Variants in MNX1 observed in about 807,000 individuals in gnomAD.
The protein encoded by MNX1 is motor neuron and pancreas homeobox protein 1.
Under a neutral mutation model 17.3 loss-of-function variants are expected in MNX1, and 2 were observed. The ratio of observed to expected loss-of-function variants is 0.12; its 90% CI spans 0.05 to 0.36. The LOEUF is 0.36. Among genes scored for constraint, MNX1 ranks in the 10% least tolerant of loss-of-function variants. The probability of loss-of-function intolerance (pLI) is 1.00; values close to 1 mark genes in which losing one functional copy is unlikely to be tolerated. For synonymous variants in MNX1, 306 were observed against 283.1 expected (o/e 1.08, Z -0.81); for missense variants, 556 against 564.7 (o/e 0.98, Z 0.16).
In MNX1 at chr7:157,009,949, A is replaced by AGCGGCGGCC; in HGVS notation, c.401_402insGGCCGCCGC (p.Ala132_Ala134dup). The AGCGGCGGCC allele has an allele frequency of 1.1e-6, 1 of 907,746 alleles. No individual in the cohort carries two copies. The highest frequency in any genetic ancestry group is 1.3e-6 in the Non-Finnish European group (1 of 768,334). 56.2% of individuals were successfully genotyped at this position (907,746 alleles called of 1,614,324 possible). Reference sequence around the variant, plus strand: ...GGTGCAGCCCCAGCGCCAGGCCCCCAGCGGCGGCGGCGGCGGCGGCGGCGG... The same window carrying AGCGGCGGCC: ...GGTGCAGCCCCAGCGCCAGGCCCCCAGCGGCGGCCGCGGCGGCGGCGGCGGCGGCGGCGG... On this transcript the variant is annotated inframe_insertion, in exon 1 of 3. Transcript: ENST00000252971.
chr7:157,008,729 G>A (rs556536054), intron 1 of MNX1: 8 of 485,426 alleles, frequency 1.6e-5, no homozygotes, highest in Non-Finnish European at 2.9e-5. Context: ...GGTGTTCGGC[G>A]GCTGAAAGCG....
In MNX1 at chr7:157,006,349, C is replaced by A. The variant is rs1805598037; in HGVS notation, c.852+130G>T. 1.0e-5 allele frequency: 11 copies of A among 1,075,734 alleles called. No individual in the cohort carries two copies. The highest frequency in any genetic ancestry group is 2.6e-5 in the Admixed American group (1 of 38,844). The allele number at this position is 1,075,734 out of a possible 1,614,324, so 66.6% of individuals were successfully genotyped here. On this transcript the variant is annotated intron_variant, in intron 2 of 2. Transcript: ENST00000252971. This position sits in a 1 kb window ranked among gnomAD's most constrained non-coding sequence, Gnocchi z 6.3. Reference sequence around the variant, plus strand: ...CGGCGCTCTGGGCACCTTAGATGAACCCGTGCGCCCGCCGTCTGAACCGTC... The same window carrying A: ...CGGCGCTCTGGGCACCTTAGATGAAACCGTGCGCCCGCCGTCTGAACCGTC...
intron 1 of MNX1, chr7:157,008,789 T>C: frequency 1.7e-6 from 1 of 596,438 alleles, no homozygotes. Context: ...CTGACCCCGA[T>C]GGGGCGAGCG....
chr7:157,006,679 G>T lies in MNX1; in HGVS notation c.692-40C>A. On this transcript the variant is annotated intron_variant, in intron 1 of 2. Transcript: ENST00000252971. This position sits in a 1 kb window ranked among gnomAD's most constrained non-coding sequence, Gnocchi z 6.3. Reference sequence around the variant, plus strand: ...GCAGTGAGGCCCACAGCCGGCTCCGGTCCTCGCCCCAGCCCCTCCCGTTGC... The same window carrying T: ...GCAGTGAGGCCCACAGCCGGCTCCGTTCCTCGCCCCAGCCCCTCCCGTTGC... 6.5e-7 allele frequency: 1 copy of T among 1,535,610 alleles called. No individual in the cohort carries two copies. The highest frequency in any genetic ancestry group is 8.8e-7 in the Non-Finnish European group (1 of 1,141,480).
At position 157,005,585 on chromosome 7, in the gene MNX1, A is replaced by C; in HGVS notation, c.1141T>G (p.Ser381Ala). Residue 381 changes from serine to alanine, a missense_variant, in exon 3 of 3, where the codon TCC becomes GCC. By Grantham distance (99) the Ser-to-Ala change is moderately conservative (BLOSUM62 1). Coordinates refer to ENST00000252971, the MANE Select transcript of MNX1 (RefSeq NM_005515.4). ...GAGTCGTCCTCCGAGGAGCAGTCGG[A>C]GGAGGCGGCGTGGACGCTGGCGCCG... is the stretch of plus-strand genomic sequence containing the variant. ...SNGASVHAAS[S>A]DCSSEDDSPP... 6.3e-7 allele frequency: 1 copy of C among 1,596,530 alleles called. No homozygotes were observed. Among genetic ancestry groups the C allele is most frequent in the Non-Finnish European group, 8.5e-7 (1 of 1,173,772 alleles).
At chr7:157,007,070 C>G (rs945600502) in intron 1 of MNX1, 1 of 153,440 alleles carries the variant, frequency 6.5e-6, no homozygotes, top group African/African-American at 2.4e-5. Context: ...TGCACTGTAC[C>G]CTGGGTGACA....
intron 1 of MNX1, chr7:157,008,159 G>A (rs1474011014): frequency 1.3e-5 from 2 of 152,242 alleles, no homozygotes; most frequent in Non-Finnish European, 2.9e-5. Flanking sequence ...AATTTTCTGA[G>A]TGACCCTGGG....
chr7:157,007,289 G>A (rs1449034351), intron 1 of MNX1, among the ~76,000 whole-genome samples: 1 of 151,086 alleles, frequency 6.6e-6, no homozygotes, highest in Non-Finnish European at 1.5e-5. Context: ...GGAGGAGGAG[G>A]AGAAAAAGAG....
In MNX1 at chr7:157,009,679, A is replaced by T; in HGVS notation, c.672T>A (p.Pro224=). 6.2e-7 allele frequency: 1 copy of T among 1,609,140 alleles called. No individual in the cohort carries two copies. The highest frequency in any genetic ancestry group is 8.5e-7 in the Non-Finnish European group (1 of 1,179,142). ...ACTCACAGTTGAAGTCGGGCATCTT[A>T]GGCAGGATCATGCCCGCGGTGGACG... The part of the protein sequence containing the change: ...LRASTAGMIL[P]KMPDFNSQAQ... Residue 224 remains proline (P), a synonymous_variant, in exon 1 of 3, where the codon CCT becomes CCA. Transcript: ENST00000252971.
chr7:157,009,787 C>T lies in MNX1; in HGVS notation c.564G>A (p.Gln188=). The stretch of plus-strand genomic sequence containing the variant: ...GGTGCGCGGGGTGCGCGCCTTGCAC[C>T]TGCGGGTACGAGTAGGAGAGCGCCG... ...QHPALSYSYP[Q]VQGAHPAHPA... is the part of the protein sequence containing the mutation. The change falls in exon 1 of 3, where the codon CAG becomes CAA. Residue 188 remains glutamine, a synonymous_variant. Coordinates refer to ENST00000252971, the MANE Select transcript of MNX1 (RefSeq NM_005515.4). 1 of 1,581,184 alleles carries T rather than the reference C, an allele frequency of 6.3e-7. No homozygotes were observed. The highest frequency in any genetic ancestry group is 8.6e-7 in the Non-Finnish European group (1 of 1,169,078).
Position 157,005,728 on chromosome 7 carries a change from A to G in MNX1, c.998T>C (p.Leu333Pro), listed in dbSNP as rs776895082. ...GGAEEPGAEE[L>P]LGPPAPGDKG... ...GTCTCCGGGCGCTGGCGGCCCCAGCAGCTCCTCGGCTCCCGGCTCCTCCGC... is the reference window on the plus strand; with the variant it reads ...GTCTCCGGGCGCTGGCGGCCCCAGCGGCTCCTCGGCTCCCGGCTCCTCCGC... Residue 333 changes from leucine to proline, a missense_variant, in exon 3 of 3, where the codon CTG becomes CCG. This residue lies in a region of MNX1 where 178 missense variants were observed against 155.2 expected (regional missense o/e 1.15). Transcript: ENST00000252971. The G allele has an allele frequency of 2.5e-6, 4 of 1,609,648 alleles. No individual in the cohort carries two copies. The South Asian group carries it at 3.3e-5, about 13-fold the overall frequency.
At position 157,010,293 on chromosome 7, in the gene MNX1, C is replaced by T; in HGVS notation, c.58G>A (p.Ala20Thr). The change falls in exon 1 of 3, where the codon GCC (alanine) becomes ACC (threonine). Residue 20 changes from alanine (A) to threonine (T), a missense_variant. Physicochemically the swap from Ala to Thr is moderately conservative, Grantham distance 58. Coordinates refer to ENST00000252971, the MANE Select transcript of MNX1 (RefSeq NM_005515.4). Reference sequence around the variant, plus strand: ...AGCGGCGCGCTCTGCGCAGAGGCGGCTCGTGGGGGGTCCACCGCCAGCAGG... The same window carrying T: ...AGCGGCGCGCTCTGCGCAGAGGCGGTTCGTGGGGGGTCCACCGCCAGCAGG... ...DALLAVDPPR[A>T]ASAQSAPLAL... 5 of 1,573,448 alleles carry T rather than the reference C, an allele frequency of 3.2e-6. No individual in the cohort carries two copies. The highest frequency in any genetic ancestry group is 4.9e-5 in the East Asian group (2 of 40,808).
In MNX1 at chr7:157,010,408, G is replaced by T. The variant is rs1805694541; in HGVS notation, c.-58C>A. The stretch of plus-strand genomic sequence containing the variant: ...TGGCGGGCGACGCGGCCGTGTGCGG[G>T]CTCGCGGAGTCAGTGCGTGCGGTGC... On this transcript the variant is annotated 5_prime_UTR_variant, in exon 1 of 3. Coordinates refer to ENST00000252971, the MANE Select transcript of MNX1 (RefSeq NM_005515.4). 2.8e-6 allele frequency: 4 copies of T among 1,443,888 alleles called. No homozygotes were observed. The African/African-American group carries it at 5.8e-5, about 21-fold the overall frequency. The allele number at this position is 1,443,888 out of a possible 1,614,324, so 89.4% of individuals were successfully genotyped here. A position where few individuals can be genotyped will look rare whatever the true frequency, so the allele number is the denominator to read the frequency against.
chr7:157,009,827 A>AGCGCAG lies in MNX1; in HGVS notation c.518_523dup (p.Ala174_Leu175insProAla), dbSNP rs1360933875. The AGCGCAG allele has an allele frequency of 1.3e-6, 2 of 1,519,618 alleles. No homozygotes were observed. The highest frequency in any genetic ancestry group is 1.8e-6 in the Non-Finnish European group (2 of 1,141,646). 94.1% of individuals were successfully genotyped at this position (1,519,618 alleles called of 1,614,324 possible). A position where few individuals can be genotyped will look rare whatever the true frequency, so the allele number is the denominator to read the frequency against. ...GGAGAGCGCCGGGTGCTGGCCCGCCAGCGCAGCCGCCGCCGCCGCCGCGGA... is the reference window on the plus strand; with the variant it reads ...GGAGAGCGCCGGGTGCTGGCCCGCCAGCGCAGGCGCAGCCGCCGCCGCCGCCGCGGA... On this transcript the variant is annotated inframe_insertion, in exon 1 of 3. Coordinates refer to ENST00000252971, the MANE Select transcript of MNX1 (RefSeq NM_005515.4).
Position 157,005,453 on chromosome 7 carries a change from G to T in MNX1, c.*67C>A. On this transcript the variant is annotated 3_prime_UTR_variant, in exon 3 of 3. Transcript: ENST00000252971. Reference sequence around the variant, plus strand: ...CCGGGCCGGGTGGGTGCGGGCGCCGGGGCCTCCGGGAGAAGCCGCCGGCCG... The same window carrying T: ...CCGGGCCGGGTGGGTGCGGGCGCCGTGGCCTCCGGGAGAAGCCGCCGGCCG... The T allele has an allele frequency of 8.7e-7, 1 of 1,149,354 alleles. No homozygotes were observed. Among genetic ancestry groups the T allele is most frequent in the Non-Finnish European group, 1.1e-6 (1 of 920,038 alleles). The allele number at this position is 1,149,354 out of a possible 1,614,324, so 71.2% of individuals were successfully genotyped here. A position where few individuals can be genotyped will look rare whatever the true frequency, so the allele number is the denominator to read the frequency against.
In MNX1 at chr7:157,005,399, T is replaced by G. The variant is rs1586591788; in HGVS notation, c.*121A>C. On this transcript the variant is annotated 3_prime_UTR_variant, in exon 3 of 3. Coordinates refer to ENST00000252971, the MANE Select transcript of MNX1 (RefSeq NM_005515.4). ...AGCCCCGGCCTGGGCGAGGGGTCCA[T>G]GGGGCGGCGGTCGAGCCTGCTCTCG... 1.2e-5 allele frequency: 7 copies of G among 600,294 alleles called. No individual in the cohort carries two copies. The highest frequency in any genetic ancestry group is 1.4e-5 in the Non-Finnish European group (6 of 441,008). The allele number at this position is 600,294 out of a possible 1,614,324, so 37.2% of individuals were successfully genotyped here.
At position 157,005,152 on chromosome 7, in the gene MNX1, G is replaced by A; in HGVS notation, c.*368C>T. 4.3e-6 allele frequency: 1 copy of A among 231,588 alleles called. No individual in the cohort carries two copies. Among genetic ancestry groups the A allele is most frequent in the Non-Finnish European group, 8.5e-6 (1 of 117,204 alleles). 14.3% of individuals were successfully genotyped at this position (231,588 alleles called of 1,614,324 possible). The stretch of plus-strand genomic sequence containing the variant: ...ACTGTGGGTTTCCGCCTTCTCGGAC[G>A]CGGGGAAAGGGGAGACAGGAGGCTT... On this transcript the variant is annotated 3_prime_UTR_variant, in exon 3 of 3. Coordinates refer to ENST00000252971, the MANE Select transcript of MNX1 (RefSeq NM_005515.4).
chr7:157,008,842 G>A (rs541282646), intron 1 of MNX1: 2 of 728,630 alleles, frequency 2.7e-6, no homozygotes, highest in Admixed American at 2.7e-5. Flanking sequence ...CGGAGCCCCA[G>A]CCCGGAGAGT....
rs1158490814 is a variant in MNX1, at chr7:157,010,400, G to A, written c.-50C>T. 1.3e-6 allele frequency: 2 copies of A among 1,491,226 alleles called. No individual in the cohort carries two copies. Among genetic ancestry groups the A allele is most frequent in the East Asian group, 2.5e-5 (1 of 39,584 alleles). The allele number at this position is 1,491,226 out of a possible 1,614,324, so 92.4% of individuals were successfully genotyped here. ...GGGCCCGGTGGCGGGCGACGCGGCC[G>A]TGTGCGGGCTCGCGGAGTCAGTGCG... On this transcript the variant is annotated 5_prime_UTR_variant, in exon 1 of 3. In the 5' UTR this introduces an upstream ATG that the reference lacks. Transcript: ENST00000252971.
Sources: gnomAD v4.1 joint callset for allele counts (sites outside exome capture counted in the v4.1 genomes callset) on GRCh38, gnomAD v4.1.1 for gene constraint, gnomAD v4.1.1 regional missense constraint, Gnocchi (gnomAD v3.1) non-coding constraint, MANE v1.5 for transcripts, NCBI Gene and HGNC (gene_info 2026-07-23, HGNC 2026-07-21) for gene names.